Variants in GAS2 observed in about 807,000 individuals in gnomAD.
GAS2 encodes the protein growth arrest specific 2.
GAS2 carries 20 observed loss-of-function variants against 37.5 expected under a neutral mutation model. The observed-to-expected ratio is 0.53, with a 90% CI of 0.37 to 0.77. GAS2 has a LOEUF of 0.77. GAS2 is among the 30% of genes least tolerant of loss of function. The pLI, the probability that GAS2 is intolerant of heterozygous loss-of-function variation, is 0.00. For synonymous variants in GAS2, 144 were observed against 132.2 expected, an observed-to-expected ratio of 1.09 and a Z score of -0.61; for missense variants, 336 against 373.4, an observed-to-expected ratio of 0.90 and a Z score of 0.82.
rs184395926 is a variant in GAS2, at chr11:22,630,282, G to A, written c.-21+4469G>A. Among the ~76,000 whole-genome samples, 4 of 152,252 alleles carry A rather than the reference G, an allele frequency of 2.6e-5. No individual in the cohort carries two copies. In the East Asian group the frequency reaches 7.7e-4, roughly 29 times the overall value. The stretch of plus-strand genomic sequence containing the variant: ...CTCATTGTTCAGTTCCCACCTATGA[G>A]TGAGAACATGTGATGTTTGGTTTTT... On this transcript the variant is annotated intron_variant, in intron 1 of 5. Coordinates refer to the GAS2 transcript ENST00000528582.
At chr11:22,671,375 C>G (rs1849194008) in intron 1 of GAS2, among the ~76,000 whole-genome samples, 1 of 152,034 alleles carries the variant, frequency 6.6e-6, no homozygotes, top group African/African-American at 2.4e-5. Flanking sequence ...TATTTGAGTA[C>G]TTACTCCCCT....
intron 7 of GAS2, among the ~76,000 whole-genome samples, chr11:22,758,061 A>T (rs1854147035): frequency 6.6e-6 from 1 of 152,124 alleles, no homozygotes; most frequent in Non-Finnish European, 1.5e-5. Context: ...TGTGGTAGGG[A>T]CTATATTTAA....
At chr11:22,679,269 C>A (rs1849568598) in intron 2 of GAS2, among the ~76,000 whole-genome samples, 1 of 152,014 alleles carries the variant, frequency 6.6e-6, no homozygotes, top group African/African-American at 2.4e-5. Flanking sequence ...TCTTTCTTTA[C>A]AAAAAGTTTA....
intron 7 of GAS2, among the ~76,000 whole-genome samples, chr11:22,786,400 A>G (rs1195982656): frequency 6.6e-6 from 1 of 152,122 alleles, no homozygotes; most frequent in East Asian, 1.9e-4. Context: ...ATTACCTAAC[A>G]AGTCCTCCTA....
intron 3 of GAS2, among the ~76,000 whole-genome samples, chr11:22,724,084 A>T (rs1852077485): frequency 6.6e-6 from 1 of 151,982 alleles, no homozygotes; most frequent in Non-Finnish European, 1.5e-5. Flanking sequence ...AATCATGTAA[A>T]TATTTATATA....
At chr11:22,706,326 G>C (rs905393160) in intron 3 of GAS2, among the ~76,000 whole-genome samples, 1 of 146,808 alleles carries the variant, frequency 6.8e-6, no homozygotes, top group Non-Finnish European at 1.5e-5. Context: ...AGAAGTAGAC[G>C]GTTTTTTTTT....
At chr11:22,788,348 G>A (rs1038079296) in intron 7 of GAS2, among the ~76,000 whole-genome samples, 3 of 152,142 alleles carry the variant, frequency 2.0e-5, no homozygotes, top group African/African-American at 7.2e-5. Context: ...ATATAGAATA[G>A]GATTTTTCAA....
chr11:22,797,889 TATG>T (rs1402450203), intron 7 of GAS2, among the ~76,000 whole-genome samples: 3 of 152,024 alleles, frequency 2.0e-5, no homozygotes, highest in Admixed American at 1.3e-4. Flanking sequence ...AGTTGGGCAA[TATG>T]ATCATCAGCA....
intron 7 of GAS2, among the ~76,000 whole-genome samples, chr11:22,762,808 A>G (rs1267678422): frequency 6.6e-6 from 1 of 152,194 alleles, no homozygotes; most frequent in African/African-American, 2.4e-5. Context: ...AAAATTAACT[A>G]GAATTCTATA....
chr11:22,732,927 CATT>C (rs1168283483), intron 4 of GAS2, among the ~76,000 whole-genome samples: 1 of 151,582 alleles, frequency 6.6e-6, no homozygotes, highest in Non-Finnish European at 1.5e-5. Flanking sequence ...ATTATTATAA[CATT>C]GATTAATACA....
intron 1 of GAS2, among the ~76,000 whole-genome samples, chr11:22,638,162 A>G (rs925305980): frequency 6.6e-6 from 1 of 152,044 alleles, no homozygotes; most frequent in African/African-American, 2.4e-5. Flanking sequence ...TAAAACGGCA[A>G]CCACTAACAT....
chr11:22,790,061 G>C (rs775211340), intron 7 of GAS2, among the ~76,000 whole-genome samples: 2 of 152,102 alleles, frequency 1.3e-5, no homozygotes, highest in Non-Finnish European at 2.9e-5. Context: ...TGGGTTATGT[G>C]TACCCCTACC....
intron 5 of GAS2, among the ~76,000 whole-genome samples, chr11:22,747,882 A>G (rs1299978005): frequency 6.6e-6 from 1 of 152,194 alleles, no homozygotes; most frequent in Non-Finnish European, 1.5e-5. Context: ...CACTGCAAAA[A>G]CAAAACATCA....
chr11:22,743,526 A>C (rs940904498), intron 5 of GAS2, among the ~76,000 whole-genome samples: 1 of 152,072 alleles, frequency 6.6e-6, no homozygotes, highest in Non-Finnish European at 1.5e-5. Context: ...TGAGTTTCAG[A>C]AATAATATAT....
chr11:22,736,919 T>G (rs1311090235), intron 4 of GAS2, among the ~76,000 whole-genome samples: 1 of 152,158 alleles, frequency 6.6e-6, no homozygotes, highest in Non-Finnish European at 1.5e-5. Flanking sequence ...CTCTTTTACA[T>G]GCTCTTCTTG....
intron 3 of GAS2, among the ~76,000 whole-genome samples, chr11:22,704,683 TATTGTAG>T (rs139378590): frequency 0.034 from 5,096 of 148,204 alleles, 276 homozygotes; most frequent in African/African-American, 0.11. Flanking sequence ...TAGTAAGGAA[TATTGTAG>T]ATTGTAGTAA....
At chr11:22,724,849 G>GGAACTCTAGTAA (rs1409423102) in intron 3 of GAS2, among the ~76,000 whole-genome samples, 7 of 151,972 alleles carry the variant, frequency 4.6e-5, no homozygotes, top group African/African-American at 1.4e-4. Context: ...CAAAATCCCT[G>GGAACTCTAGTAA]GAACTCTAGT....
In GAS2 at chr11:22,657,497, A is replaced by C. The variant is rs939269630; in HGVS notation, c.-20-17353A>C. ...AGAACTTACTAAGGGAAGTGGTTGG[A>C]GTGTGGGCTTCATTGGTTGTTCCTG... On this transcript the variant is annotated intron_variant, in intron 1 of 5. Transcript: ENST00000528582. Among the ~76,000 whole-genome samples, 7 of 152,126 alleles carry C rather than the reference A, an allele frequency of 4.6e-5. No homozygotes were observed. In the East Asian group the frequency reaches 9.7e-4, roughly 21 times the overall value.
At position 22,674,991 on chromosome 11, in the gene GAS2, C is replaced by T. The variant is rs1299031365; in HGVS notation, c.122C>T (p.Ala41Val). Reference sequence around the variant, plus strand: ...TTGCTACCAATGAAAGAAGATCTGGCCTTGTGGTTAACCAATCTATTAGGT... The same window carrying T: ...TTGCTACCAATGAAAGAAGATCTGGTCTTGTGGTTAACCAATCTATTAGGT... ...ANLLPMKEDL[A>V]LWLTNLLGKE... Residue 41 changes from alanine (A) to valine (V), a missense_variant, in exon 2 of 8, where the codon GCC becomes GTC. Ala to Val is a moderately conservative substitution (Grantham distance 64). Coordinates refer to ENST00000454584, the MANE Select transcript of GAS2 (RefSeq NM_001143830.3). 3.7e-6 allele frequency: 6 copies of T among 1,613,768 alleles called. No individual in the cohort carries two copies. The highest frequency in any genetic ancestry group is 1.7e-5 in the Admixed American group (1 of 59,948).
Sources: gnomAD v4.1 joint callset for allele counts (sites outside exome capture counted in the v4.1 genomes callset) on GRCh38, gnomAD v4.1.1 for gene constraint, MANE v1.5 for transcripts, NCBI Gene and HGNC (gene_info 2026-07-23, HGNC 2026-07-21) for gene names.